B4GALT1: variants seen among roughly 807,000 people sequenced by gnomAD.
B4GALT1 encodes the protein beta-1,4-galactosyltransferase 1, also known as N-acetyllactosamine synthase.
In B4GALT1, 16 loss-of-function variants were observed where a neutral mutation model predicts 34.9. That is an observed-to-expected ratio of 0.46 (90% confidence interval 0.31 to 0.70). The LOEUF (loss-of-function observed/expected upper bound fraction) is 0.70, where lower values mean the gene tolerates loss of function less well. B4GALT1 is among the 30% of genes least tolerant of loss of function. The probability of loss-of-function intolerance (pLI) is 0.05; values close to 1 mark genes in which losing one functional copy is unlikely to be tolerated. For missense variants in B4GALT1, 445 were observed against 530.5 expected, an observed-to-expected ratio of 0.84 and a Z score of 1.58; for synonymous variants, 221 against 218.1, an observed-to-expected ratio of 1.01 and a Z score of -0.12.
chr9:33,168,064 T>C (rs188395696), upstream of B4GALT1, among the ~76,000 whole-genome samples: 2 of 152,296 alleles, frequency 1.3e-5, no homozygotes, highest in Admixed American at 1.3e-4. Context: ...AAGAAGCCTC[T>C]AACTCCCAGG....
At chr9:33,137,000 C>A (rs1840282226) in intron 1 of B4GALT1, among the ~76,000 whole-genome samples, 1 of 152,152 alleles carries the variant, frequency 6.6e-6, no homozygotes, top group Non-Finnish European at 1.5e-5. Flanking sequence ...ACCCCCTTCC[C>A]CAGTACACAT....
chr9:33,143,492 T>C (rs187096752), intron 1 of B4GALT1, among the ~76,000 whole-genome samples: 84 of 152,388 alleles, frequency 5.5e-4, no homozygotes, highest in Non-Finnish European at 9.4e-4. Context: ...TTTCTGTCTA[T>C]TGCAGAGGCT....
intron 1 of B4GALT1, among the ~76,000 whole-genome samples, chr9:33,151,018 G>A (rs2118246322): frequency 6.6e-6 from 1 of 152,264 alleles, no homozygotes; most frequent in South Asian, 2.1e-4. Context: ...ATGGCGGATG[G>A]AGCTGGATGT....
chr9:33,165,877 C>T (rs1429799717), intron 1 of B4GALT1, among the ~76,000 whole-genome samples: 3 of 152,202 alleles, frequency 2.0e-5, no homozygotes, highest in Non-Finnish European at 4.4e-5. Context: ...CTGAAACAGG[C>T]TAGAGGTCAG....
chr9:33,117,292 T>C (rs1427538977), intron 3 of B4GALT1, among the ~76,000 whole-genome samples: 1 of 152,270 alleles, frequency 6.6e-6, no homozygotes, highest in Non-Finnish European at 1.5e-5. Context: ...GACTTTATCC[T>C]GATTTAGCAA....
the B4GALT1 span, among the ~76,000 whole-genome samples, chr9:33,181,958 CTTTCT>C: frequency 4.0e-3 from 277 of 68,886 alleles, no homozygotes; most frequent in African/African-American, 0.014. Context: ...TTTTTCTTTT[CTTTCT>C]TTTTTTTTTT....
chr9:33,167,010 C>A lies in B4GALT1; in HGVS notation c.160G>T (p.Val54Phe), dbSNP rs763372633. 1.3e-6 allele frequency: 2 copies of A among 1,597,382 alleles called. No homozygotes were observed. The highest frequency in any genetic ancestry group is 1.7e-5 in the Admixed American group (1 of 59,116). The change falls in exon 1 of 6, where the codon GTC (valine) becomes TTC (phenylalanine). Residue 54 changes from valine to phenylalanine, a missense_variant. Physicochemically the swap from Val to Phe is conservative, Grantham distance 50. This residue lies in a region of B4GALT1 where 349 missense variants were observed against 395.5 expected (regional missense o/e 0.88). Coordinates refer to ENST00000379731, the MANE Select transcript of B4GALT1 (RefSeq NM_001497.4). ...GRDLSRLPQL[V>F]GVSTPLQGGS... is the part of the protein sequence containing the mutation. ...CCCTGCAGCGGTGTGGAGACTCCGA[C>A]CAGTTGGGGCAGGCGGCTCAGGTCG...
At chr9:33,146,609 G>A (rs1485653832) in intron 1 of B4GALT1, among the ~76,000 whole-genome samples, 3 of 152,180 alleles carry the variant, frequency 2.0e-5, no homozygotes, top group African/African-American at 4.8e-5. Context: ...AGGATGCTTC[G>A]CTTTGCACCT....
intron 2 of B4GALT1, among the ~76,000 whole-genome samples, chr9:33,134,511 A>G (rs570836350): frequency 6.6e-6 from 1 of 152,380 alleles, no homozygotes; most frequent in Admixed American, 6.5e-5. Context: ...ATTTCAATAA[A>G]GATGCCTCTT....
intron 2 of B4GALT1, among the ~76,000 whole-genome samples, chr9:33,105,075 C>T (rs1834042657): frequency 6.6e-6 from 1 of 152,138 alleles, no homozygotes; most frequent in Admixed American, 6.5e-5. Flanking sequence ...CCACCTTGGC[C>T]TCCCAAAGTG....
At chr9:33,161,464 C>T (rs999128736) in intron 1 of B4GALT1, among the ~76,000 whole-genome samples, 1 of 152,186 alleles carries the variant, frequency 6.6e-6, no homozygotes, top group Non-Finnish European at 1.5e-5. Flanking sequence ...GCCCCTACAA[C>T]TCAGGTCTCA....
chr9:33,133,482 C>A (rs971277526), intron 2 of B4GALT1, among the ~76,000 whole-genome samples: 2 of 152,300 alleles, frequency 1.3e-5, no homozygotes, highest in Non-Finnish European at 2.9e-5. Flanking sequence ...CTGAATCTTG[C>A]CGTCATTGGT....
At chr9:33,172,337 C>T (rs1427615175), upstream of B4GALT1, among the ~76,000 whole-genome samples, 5 of 152,102 alleles carry the variant, frequency 3.3e-5, no homozygotes, top group African/African-American at 7.2e-5. Context: ...CTCAGTCATG[C>T]ACAATTATTT....
chr9:33,160,646 G>A (rs1425199023), intron 1 of B4GALT1, among the ~76,000 whole-genome samples: 1 of 152,064 alleles, frequency 6.6e-6, no homozygotes, highest in Admixed American at 6.6e-5. Context: ...GTGCACCTGT[G>A]GTCCCAGCAA....
At chr9:33,109,389 T>G (rs999442675), downstream of B4GALT1, among the ~76,000 whole-genome samples, 6 of 152,200 alleles carry the variant, frequency 3.9e-5, no homozygotes, top group African/African-American at 1.4e-4. Context: ...CTTTCTAATA[T>G]CACTTATAAT....
At chr9:33,116,240 ATT>A (rs34433922) in intron 3 of B4GALT1, 127 bp from the exon 4 acceptor site, 930 of 986,988 alleles carry the variant, frequency 9.4e-4, no homozygotes, top group Non-Finnish European at 1.1e-3. Flanking sequence ...GTTTTTATTT[ATT>A]TTTTTTTTGA....
At chr9:33,153,258 C>G (rs1840548966) in intron 1 of B4GALT1, among the ~76,000 whole-genome samples, 1 of 152,122 alleles carries the variant, frequency 6.6e-6, no homozygotes, top group South Asian at 2.1e-4. Flanking sequence ...CTGACAGTAT[C>G]TATCAAAACG....
At chr9:33,108,225 C>T (rs1243253252), downstream of B4GALT1, among the ~76,000 whole-genome samples, 1 of 152,070 alleles carries the variant, frequency 6.6e-6, no homozygotes, top group African/African-American at 2.4e-5. Flanking sequence ...TTACACAGAA[C>T]CAGAAACTGA....
At chr9:33,122,251 G>C (rs1307757873) in intron 2 of B4GALT1, among the ~76,000 whole-genome samples, 1 of 152,114 alleles carries the variant, frequency 6.6e-6, no homozygotes, top group Admixed American at 6.6e-5. Flanking sequence ...GGGCATGGTG[G>C]CTCACACTTG....
Sources: allele counts gnomAD v4.1 joint callset (sites outside exome capture counted in the v4.1 genomes callset), GRCh38; gene constraint gnomAD v4.1.1; regional missense constraint gnomAD v4.1.1; transcripts MANE v1.5; gene names NCBI Gene and HGNC (gene_info 2026-07-23, HGNC 2026-07-21).